ZC3H12B: variants seen among roughly 807,000 people sequenced by gnomAD.
The protein encoded by ZC3H12B is probable ribonuclease ZC3H12B.
Under a neutral mutation model 43.9 loss-of-function variants are expected in ZC3H12B, and 7 were observed. The ratio of observed to expected loss-of-function variants is 0.16; its 90% CI spans 0.09 to 0.30. ZC3H12B has a LOEUF of 0.30. Ranked by LOEUF, ZC3H12B falls within the 10% of genes least tolerant of loss-of-function variation. The pLI, the probability that ZC3H12B is intolerant of heterozygous loss-of-function variation, is 1.00. For synonymous variants in ZC3H12B, 222 were observed against 241.7 expected (o/e 0.92, Z 0.76); for missense variants, 475 against 670.2 (o/e 0.71, Z 3.22).
At chrX:65,311,101 C>T in the ZC3H12B span, among the ~76,000 whole-genome samples, 1 of 111,862 alleles carries the variant, frequency 8.9e-6, no homozygotes, top group Non-Finnish European at 1.9e-5. Context: ...GACTTCATGT[C>T]TAAAACACCA....
the ZC3H12B span, among the ~76,000 whole-genome samples, chrX:65,074,836 T>C: frequency 7.1e-5 from 8 of 112,312 alleles, no homozygotes; most frequent in Non-Finnish European, 1.3e-4. Flanking sequence ...TTCAGTTGAT[T>C]TGTTATTTTC....
chrX:65,261,097 A>T, the ZC3H12B span, among the ~76,000 whole-genome samples: 1 of 112,095 alleles, frequency 8.9e-6, no homozygotes, highest in Non-Finnish European at 1.9e-5. Context: ...AAATCAAATT[A>T]TAAAAACCAC....
At chrX:65,093,504 C>A in the ZC3H12B span, among the ~76,000 whole-genome samples, 2 of 112,182 alleles carry the variant, frequency 1.8e-5, no homozygotes, top group African/African-American at 3.2e-5. Flanking sequence ...GCCACAGGGG[C>A]AGGGCTGTGC....
At chrX:65,491,617 G>T (rs1351775323) in intron 1 of ZC3H12B, among the ~76,000 whole-genome samples, 1 of 107,887 alleles carries the variant, frequency 9.3e-6, no homozygotes, top group East Asian at 2.9e-4. Flanking sequence ...TGAGGTGGGA[G>T]GTTCTCTTGA....
At chrX:65,101,679 A>T in the ZC3H12B span, among the ~76,000 whole-genome samples, 1 of 111,997 alleles carries the variant, frequency 8.9e-6, no homozygotes, top group Non-Finnish European at 1.9e-5. Context: ...CACCCTCCCA[A>T]GACTAAACCA....
intron 2 of ZC3H12B, among the ~76,000 whole-genome samples, chrX:65,377,248 G>A (rs907944535): frequency 1.8e-5 from 2 of 109,340 alleles, no homozygotes; most frequent in South Asian, 7.8e-4. Context: ...AAAAAACAAT[G>A]AAGCACACTT....
At chrX:65,140,487 T>C in the ZC3H12B span, among the ~76,000 whole-genome samples, 13 of 111,913 alleles carry the variant, frequency 1.2e-4, 1 homozygote, top group South Asian at 4.8e-3. Flanking sequence ...GGCTGCTGGA[T>C]TCATTTTGCT....
the ZC3H12B span, among the ~76,000 whole-genome samples, chrX:65,322,062 A>C: frequency 9.0e-6 from 1 of 111,601 alleles, no homozygotes; most frequent in Non-Finnish European, 1.9e-5. Flanking sequence ...AAACAGCAAC[A>C]ACAAGCAGCA....
In ZC3H12B at chrX:65,456,975, G is replaced by A. The variant is rs1187702931; in HGVS notation, n.408-31671G>A. 6.8e-5 allele frequency among the ~76,000 whole-genome samples: 7 copies of A among 102,809 alleles called. No individual in the cohort carries two copies. The South Asian group carries it at 1.5e-3, about 22-fold the overall frequency. The allele number at this position is 102,809 out of a possible 115,157, so 89.3% of individuals were successfully genotyped here. A position where few individuals can be genotyped will look rare whatever the true frequency, so the allele number is the denominator to read the frequency against. ...AAGTGAGGAGCGTCTCTGCCTGGCC[G>A]CCATCCCATCTAGGAAGCGAGGAGC... On this transcript the variant is annotated intron_variant and non_coding_transcript_variant, in intron 3 of 5. Transcript: ENST00000617377.
chrX:65,057,661 A>G, the ZC3H12B span, among the ~76,000 whole-genome samples: 1 of 111,848 alleles, frequency 8.9e-6, no homozygotes, highest in Non-Finnish European at 1.9e-5. Flanking sequence ...TCTCCTGGAT[A>G]ATATCCTGCA....
chrX:65,218,854 A>G, the ZC3H12B span, among the ~76,000 whole-genome samples: 2 of 112,062 alleles, frequency 1.8e-5, no homozygotes, highest in African/African-American at 6.5e-5. Context: ...CCTGGCTGGA[A>G]GACAACCAAC....
At chrX:65,328,590 A>G in the ZC3H12B span, 1 of 171,218 alleles carries the variant, frequency 5.8e-6, no homozygotes, top group Non-Finnish European at 1.1e-5. Context: ...GTTTTAGGGT[A>G]CATGTGCACC....
intron 3 of ZC3H12B, among the ~76,000 whole-genome samples, chrX:65,463,822 G>T (rs892286801): frequency 1.8e-5 from 2 of 110,930 alleles, no homozygotes; most frequent in African/African-American, 6.6e-5. Context: ...TCCCCGAGAA[G>T]CCAGACCATT....
At chrX:65,201,579 C>A in the ZC3H12B span, among the ~76,000 whole-genome samples, 1 of 105,205 alleles carries the variant, frequency 9.5e-6, no homozygotes, top group Non-Finnish European at 2.0e-5. Context: ...ATTTTTTTGT[C>A]TTCTGCTAGC....
At chrX:65,469,044 A>T (rs1479759873) in intron 3 of ZC3H12B, 2 of 110,847 alleles carry the variant, frequency 1.8e-5, no homozygotes, top group African/African-American at 6.6e-5. Flanking sequence ...TCATACAACC[A>T]GCTGTTTGGC....
intron 3 of ZC3H12B, among the ~76,000 whole-genome samples, chrX:65,432,957 G>A (rs779870024): frequency 1.8e-5 from 2 of 112,245 alleles, no homozygotes; most frequent in South Asian, 3.7e-4. Flanking sequence ...AACTAAATTA[G>A]GACATAGGAT....
In ZC3H12B at chrX:65,471,576, G is replaced by A. The variant is rs764501868; in HGVS notation, n.408-17070G>A. 1.0e-3 allele frequency among the ~76,000 whole-genome samples: 108 copies of A among 105,215 alleles called. 1 individual carries two copies. Among genetic ancestry groups the A allele is most frequent in the African/African-American group, 2.2e-3 (63 of 28,783 alleles). 91.4% of individuals were successfully genotyped at this position (105,215 alleles called of 115,157 possible). ...AGCAATTCTCCTGCCTCAGCCTCCC[G>A]AGTAGCTGGGATTACAGATATGCAC... On this transcript the variant is annotated intron_variant and non_coding_transcript_variant, in intron 3 of 5. Coordinates refer to the ZC3H12B transcript ENST00000617377.
At chrX:65,163,290 G>A in the ZC3H12B span, among the ~76,000 whole-genome samples, 1 of 111,459 alleles carries the variant, frequency 9.0e-6, no homozygotes, top group Non-Finnish European at 1.9e-5. Flanking sequence ...AACCACTGCT[G>A]TCTTCAACGC....
the ZC3H12B span, among the ~76,000 whole-genome samples, chrX:65,081,998 A>G: frequency 8.9e-6 from 1 of 112,171 alleles, no homozygotes; most frequent in African/African-American, 3.2e-5. Flanking sequence ...TAACATGGAA[A>G]TTAAACAGTG....
Sources: gnomAD v4.1 joint callset for allele counts (sites outside exome capture counted in the v4.1 genomes callset) on GRCh38, gnomAD v4.1.1 for gene constraint, MANE v1.5 for transcripts, NCBI Gene and HGNC (gene_info 2026-07-23, HGNC 2026-07-21) for gene names.